AMDHD1: variants seen among roughly 807,000 people sequenced by gnomAD.
The protein encoded by AMDHD1 is probable imidazolonepropionase.
Under a neutral mutation model 44.1 loss-of-function variants are expected in AMDHD1, and 45 were observed. That is an observed-to-expected ratio of 1.02 (90% CI 0.80 to 1.31). The LOEUF is 1.31. AMDHD1 is among the 50% of genes most tolerant of loss of function. The pLI is 0.00. For synonymous variants in AMDHD1, 206 were observed against 205.0 expected, an observed-to-expected ratio of 1.00 and a Z score of -0.04; for missense variants, 586 against 552.1, an observed-to-expected ratio of 1.06 and a Z score of -0.61.
At chr12:95,964,266 A>G (rs774900293) in intron 6 of AMDHD1, among the ~76,000 whole-genome samples, 8 of 152,006 alleles carry the variant, frequency 5.3e-5, no homozygotes, top group South Asian at 2.1e-4. Flanking sequence ...TCTCGTTTCT[A>G]TATTTTTCTG....
rs2080474033 is a variant in AMDHD1 at position 95,943,354 on chromosome 12, GGCCCGAGCCC to G, written c.-43_-34del. The G allele has an allele frequency of 3.4e-6, 5 of 1,454,486 alleles. No individual in the cohort carries two copies. Among genetic ancestry groups the G allele is most frequent in the Non-Finnish European group, 4.5e-6 (5 of 1,110,608 alleles). The allele number at this position is 1,454,486 out of a possible 1,614,324, so 90.1% of individuals were successfully genotyped here. Reference sequence around the variant, plus strand: ...TCGTCCTCCACTGAGTCCTGCCGGTGGCCCGAGCCCGGTGGCCTCCCGGCGACCCTCGGCG... The same window carrying G: ...TCGTCCTCCACTGAGTCCTGCCGGTGGGTGGCCTCCCGGCGACCCTCGGCG... On this transcript the variant is annotated 5_prime_UTR_variant, in exon 1 of 9. Coordinates refer to ENST00000266736, the MANE Select transcript of AMDHD1 (RefSeq NM_152435.3).
chr12:95,946,061 CTGTGTGTGTGTGTG>C (rs56658923), intron 1 of AMDHD1, among the ~76,000 whole-genome samples: 1 of 122,486 alleles, frequency 8.2e-6, no homozygotes, highest in African/African-American at 2.7e-5. Flanking sequence ...CTCTTTCTCT[CTGTGTGTGTGTGTG>C]TGTGTGTGTG....
intron 2 of AMDHD1, 64 bp downstream of exon 2, chr12:95,952,887 G>A (rs1199501828): frequency 1.1e-6 from 1 of 923,014 alleles, no homozygotes; most frequent in Non-Finnish European, 1.7e-6. Flanking sequence ...GAAATGTAAA[G>A]AGGAAGAGTA....
chr12:95,949,139 T>TTAAAAAAAAAAAAAAAAAAA (rs2080514427), intron 1 of AMDHD1, among the ~76,000 whole-genome samples: 1 of 4,800 alleles, frequency 2.1e-4, no homozygotes, highest in African/African-American at 3.3e-3. Context: ...AAAAAATAAA[T>TTAAAAAAAAAAAAAAAAAAA]TAAAAAAAAA....
intron 4 of AMDHD1, among the ~76,000 whole-genome samples, chr12:95,958,894 A>G (rs2136766215): frequency 6.6e-6 from 1 of 152,174 alleles, no homozygotes; most frequent in South Asian, 2.1e-4. Context: ...TGTCTCTACT[A>G]AAAATACAAA....
At chr12:95,955,051 C>T in intron 3 of AMDHD1, 76 bp downstream of exon 3, 3 of 1,394,682 alleles carry the variant, frequency 2.2e-6, no homozygotes, top group Non-Finnish European at 3.0e-6. Context: ...AGTAGGCTAT[C>T]AAGCTTTGCA....
At chr12:95,949,304 T>G (rs2080516499) in intron 1 of AMDHD1, among the ~76,000 whole-genome samples, 1 of 152,114 alleles carries the variant, frequency 6.6e-6, no homozygotes, top group South Asian at 2.1e-4. Context: ...AATTCTAAAT[T>G]TTCACAAAGC....
chr12:95,958,248 T>G (rs1190711758), intron 4 of AMDHD1, among the ~76,000 whole-genome samples: 1 of 152,104 alleles, frequency 6.6e-6, no homozygotes, highest in African/African-American at 2.4e-5. Context: ...AACAATACAT[T>G]ACTATTAGCT....
chr12:95,961,042 A>G (rs112775036), intron 5 of AMDHD1, among the ~76,000 whole-genome samples: 1 of 150,464 alleles, frequency 6.6e-6, no homozygotes, highest in Non-Finnish European at 1.5e-5. Flanking sequence ...GCTACTCGGG[A>G]GGCTGAGGCA....
In AMDHD1 at chr12:95,956,901, G is replaced by C. The variant is rs1007205515; in HGVS notation, c.526G>C (p.Ala176Pro). 6.2e-7 allele frequency: 1 copy of C among 1,613,402 alleles called. No homozygotes were observed. The highest frequency in any genetic ancestry group is 1.1e-5 in the South Asian group (1 of 91,052). ...CAAGATGCTGCGCGTGATTGAGCGC[G>C]CCCGGCGGGAGCTGGACATCGGCAT... Reference protein sequence around the residue: ...ELKMLRVIERARRELDIGISA... With the variant: ...ELKMLRVIERPRRELDIGISA... The change falls in exon 4 of 9, where the codon GCC (alanine) becomes CCC (proline). Residue 176 changes from alanine to proline, a missense_variant. Ala to Pro is a conservative substitution (Grantham distance 27, BLOSUM62 -1). Transcript: ENST00000266736.
rs368599224 is a variant in AMDHD1 at position 95,968,105 on chromosome 12, G to A, written c.*262G>A. On this transcript the variant is annotated 3_prime_UTR_variant, in exon 9 of 9. Transcript: ENST00000266736. ...CACAAATATTGGTTACAAATATTCT[G>A]TAGATTAATATGGTGGGGTATCACA... 1 of 242,130 alleles carries A rather than the reference G, an allele frequency of 4.1e-6. No individual in the cohort carries two copies. The highest frequency in any genetic ancestry group is 7.8e-6 in the Non-Finnish European group (1 of 127,450). The allele number at this position is 242,130 out of a possible 1,614,324, so 15.0% of individuals were successfully genotyped here.
intron 1 of AMDHD1, among the ~76,000 whole-genome samples, chr12:95,944,987 AG>A (rs1264482643): frequency 6.6e-6 from 1 of 152,090 alleles, no homozygotes; most frequent in Non-Finnish European, 1.5e-5. Context: ...TACAAACATT[AG>A]CCGGGCATGG....
chr12:95,950,689 A>C (rs2080521837), intron 1 of AMDHD1, among the ~76,000 whole-genome samples: 1 of 152,126 alleles, frequency 6.6e-6, no homozygotes, highest in Admixed American at 6.5e-5. Flanking sequence ...TCACTCCATG[A>C]CCCAAGATGG....
intron 5 of AMDHD1, among the ~76,000 whole-genome samples, chr12:95,961,774 T>C (rs1418739831): frequency 6.6e-6 from 1 of 152,256 alleles, no homozygotes; most frequent in Non-Finnish European, 1.5e-5. Flanking sequence ...TTATCTCACC[T>C]CTGATCCATA....
At position 95,943,444 on chromosome 12, in the gene AMDHD1, G is replaced by A. The variant is rs909871561; in HGVS notation, c.46G>A (p.Val16Met). 1.0e-4 allele frequency: 155 copies of A among 1,507,338 alleles called. No homozygotes were observed. The highest frequency in any genetic ancestry group is 1.9e-4 in the Middle Eastern group (1 of 5,194). 93.4% of individuals were successfully genotyped at this position (1,507,338 alleles called of 1,614,324 possible). A position where few individuals can be genotyped will look rare whatever the true frequency, so the allele number is the denominator to read the frequency against. ...CCTGCTGGAGAACGCGCAGCAAGTG[G>A]TGCTGGTGTGCGCCCGCGGCGAGCG... ...SLLLENAQQV[V>M]LVCARGERFL... Residue 16 changes from valine to methionine, a missense_variant, in exon 1 of 9, where the codon GTG (valine) becomes ATG (methionine). Val to Met is a conservative substitution (Grantham distance 21, BLOSUM62 1). Coordinates refer to ENST00000266736, the MANE Select transcript of AMDHD1 (RefSeq NM_152435.3).
Position 95,966,480 on chromosome 12 carries a change from G to A in AMDHD1, c.1165G>A (p.Gly389Arg). ...THGSLEVGKQGDLIIINSSRW... is the reference protein window; with the variant it reads ...THGSLEVGKQRDLIIINSSRW... The stretch of plus-strand genomic sequence containing the variant: ...CGGATCGTTGGAAGTTGGCAAACAG[G>A]GAGATCTCATTATCATCAATTCATC... The change falls in exon 8 of 9, where the codon GGA (glycine) becomes AGA (arginine). Residue 389 changes from glycine to arginine, a missense_variant. Gly to Arg is a moderately radical substitution (Grantham distance 125). Transcript: ENST00000266736. 6.2e-7 allele frequency: 1 copy of A among 1,614,198 alleles called. No homozygotes were observed. Among genetic ancestry groups the A allele is most frequent in the Non-Finnish European group, 8.5e-7 (1 of 1,180,036 alleles).
chr12:95,952,856 GTAGC>G, intron 2 of AMDHD1, 33 bp downstream of exon 2: 1 of 1,325,862 alleles, frequency 7.5e-7, no homozygotes. Flanking sequence ...AGGTCTACAA[GTAGC>G]TTTAACAGTT....
rs2080530877 is a variant in AMDHD1, at chr12:95,952,787, G to A, written c.208G>A (p.Glu70Lys). The A allele has an allele frequency of 1.2e-6, 2 of 1,612,104 alleles. No individual in the cohort carries two copies. The highest frequency in any genetic ancestry group is 2.7e-5 in the African/African-American group (2 of 75,008). ...QRQFSGETFEEIIDCSGKCIL... is the reference protein window; with the variant it reads ...QRQFSGETFEKIIDCSGKCIL... Reference sequence around the variant, plus strand: ...ACAGTTTTCTGGAGAAACTTTTGAAGAAATAATTGACTGCTCTGGGAAATG... The same window carrying A: ...ACAGTTTTCTGGAGAAACTTTTGAAAAAATAATTGACTGCTCTGGGAAATG... The change falls in exon 2 of 9, where the codon GAA (glutamate) becomes AAA (lysine). Residue 70 changes from glutamate (E) to lysine (K), a missense_variant. Physicochemically the swap from Glu to Lys is moderately conservative, Grantham distance 56 (BLOSUM62 1). Transcript: ENST00000266736.
In AMDHD1 at chr12:95,962,368, T is replaced by C. The variant is rs779559866; in HGVS notation, c.827T>C (p.Leu276Pro). 1 of 1,613,792 alleles carries C rather than the reference T, an allele frequency of 6.2e-7. No individual in the cohort carries two copies. Among genetic ancestry groups the C allele is most frequent in the East Asian group, 2.2e-5 (1 of 44,850 alleles). Residue 276 changes from leucine (L) to proline (P), a missense_variant, in exon 6 of 9, where the codon CTG (leucine) becomes CCG (proline). Physicochemically the swap from Leu to Pro is moderately conservative, Grantham distance 98 (BLOSUM62 -3). Transcript: ENST00000266736. ...CATTCTCCTTAGCTTGGGGCTGAAC[T>C]GGGAGCGCAGGCAATCAGCCACCTG... ...PMKAAELGAE[L>P]GAQAISHLEE... is the part of the protein sequence containing the mutation.
Sources: allele counts gnomAD v4.1 joint callset (sites outside exome capture counted in the v4.1 genomes callset), GRCh38; gene constraint gnomAD v4.1.1; transcripts MANE v1.5; gene names NCBI Gene and HGNC (gene_info 2026-07-23, HGNC 2026-07-21).